Variants in PHYKPL observed in about 807,000 individuals in gnomAD.
The protein encoded by PHYKPL is 5-phosphonooxy-L-lysine phospho-lyase.
In PHYKPL, 42 loss-of-function variants were observed where a neutral mutation model predicts 51.3. The ratio of observed to expected loss-of-function variants is 0.82; its 90% CI spans 0.64 to 1.06. The LOEUF (loss-of-function observed/expected upper bound fraction) is 1.06, where lower values mean the gene tolerates loss of function less well. PHYKPL is among the 50% of genes least tolerant of loss of function. PHYKPL has a pLI of 0.00. For synonymous variants in PHYKPL, 264 were observed against 236.0 expected, an observed-to-expected ratio of 1.12 and a Z score of -1.09; for missense variants, 655 against 586.6, an observed-to-expected ratio of 1.12 and a Z score of -1.20.
In PHYKPL at chr5:178,208,927, A is replaced by AAAAG. The variant is rs1272402751; in HGVS notation, c.*32-16_*32-13dup. 1 of 161,580 alleles carries AAAAG rather than the reference A, an allele frequency of 6.2e-6. No individual in the cohort carries two copies. 10.0% of individuals were successfully genotyped at this position (161,580 alleles called of 1,614,324 possible). A position where few individuals can be genotyped will look rare whatever the true frequency, so the allele number is the denominator to read the frequency against. On this transcript the variant is annotated splice_polypyrimidine_tract_variant and intron_variant, in intron 12 of 12. Coordinates refer to ENST00000308158, the MANE Select transcript of PHYKPL (RefSeq NM_153373.4). ...GAGATGAGTTTCTTCTGTAAAGAGA[A>AAAAG]AAAGATGTTAAAACCTCATTGTCTA...
intron 6 of PHYKPL, among the ~76,000 whole-genome samples, chr5:178,224,117 C>A (rs1243093995): frequency 1.3e-5 from 2 of 152,212 alleles, no homozygotes; most frequent in African/African-American, 4.8e-5. Context: ...CACACATTCA[C>A]ACGGTTCCTC....
intron 11 of PHYKPL, among the ~76,000 whole-genome samples, chr5:178,212,222 C>T (rs1024603224): frequency 2.6e-5 from 4 of 152,202 alleles, no homozygotes; most frequent in African/African-American, 9.6e-5. Context: ...TCTCCACAAA[C>T]ACACTCCTAT....
At chr5:178,214,721 T>C in intron 10 of PHYKPL, 75 bp downstream of exon 10, 2 of 1,377,792 alleles carry the variant, frequency 1.5e-6, no homozygotes, top group Non-Finnish European at 2.1e-6. Context: ...ATGAGGCTCC[T>C]TTCCACTGGC....
chr5:178,210,107 C>A, intron 12 of PHYKPL: 3 of 1,612,496 alleles, frequency 1.9e-6, no homozygotes, highest in Non-Finnish European at 1.7e-6. Context: ...GGTCCACGGG[C>A]CCCTGTGCCC....
chr5:178,213,464 A>G (rs1331699886), intron 10 of PHYKPL, among the ~76,000 whole-genome samples: 13 of 152,136 alleles, frequency 8.5e-5, no homozygotes, highest in African/African-American at 2.9e-4. Flanking sequence ...GTTTCCTTAT[A>G]TAGAGAATGT....
chr5:178,226,827 CA>C (rs1248954174), intron 3 of PHYKPL: 3 of 152,046 alleles, frequency 2.0e-5, no homozygotes, highest in African/African-American at 4.8e-5. Flanking sequence ...AATGTTGTAA[CA>C]AAAGAGTGTA....
rs1318112926 is a variant in PHYKPL, at chr5:178,208,844, C to T, written c.*103G>A. The stretch of plus-strand genomic sequence containing the variant: ...CCCCCCCACCCTGAGCCTCTGAAAG[C>T]TGACTTTATCTGTAAGAGGGAGGTC... On this transcript the variant is annotated 3_prime_UTR_variant, in exon 13 of 13. Transcript: ENST00000308158. 1.3e-5 allele frequency: 2 copies of T among 153,268 alleles called. No homozygotes were observed. The highest frequency in any genetic ancestry group is 4.8e-5 in the African/African-American group (2 of 41,466). The allele number at this position is 153,268 out of a possible 1,614,324, so 9.5% of individuals were successfully genotyped here. A position where few individuals can be genotyped will look rare whatever the true frequency, so the allele number is the denominator to read the frequency against.
chr5:178,231,982 G>A (rs1388921966), intron 1 of PHYKPL: 1 of 1,214,070 alleles, frequency 8.2e-7, no homozygotes, highest in Non-Finnish European at 1.0e-6. Flanking sequence ...CTAAGCTCCA[G>A]TGGGAGGCGA....
At chr5:178,225,527 T>A (rs1762115305) in intron 3 of PHYKPL, 98 bp from the exon 4 acceptor site, 3 of 1,122,584 alleles carry the variant, frequency 2.7e-6, no homozygotes, top group Admixed American at 1.9e-5. Context: ...GCAAGAAGAT[T>A]CTCAGGACAT....
chr5:178,210,395 T>G, intron 12 of PHYKPL: 1 of 1,565,342 alleles, frequency 6.4e-7, no homozygotes, highest in South Asian at 1.1e-5. Flanking sequence ...CCATGGGAGC[T>G]ACTTGATTTT....
intron 3 of PHYKPL, among the ~76,000 whole-genome samples, chr5:178,227,879 T>C (rs1393029030): frequency 6.6e-6 from 1 of 151,978 alleles, no homozygotes; most frequent in African/African-American, 2.4e-5. Context: ...ATCATGGAGA[T>C]GGAGGAGGCA....
rs1177639119 is a variant in PHYKPL at position 178,231,506 on chromosome 5, AAG to A, written c.75_76del (p.Phe27SerfsTer6). 4.3e-6 allele frequency: 7 copies of A among 1,614,048 alleles called. No individual in the cohort carries two copies. Among genetic ancestry groups the A allele is most frequent in the Non-Finnish European group, 5.9e-6 (7 of 1,180,034 alleles). ...AATCTTAACAGGATCCTCGGGAAAA[AAG>A]AGTCTGCAGGAAGAGCTGTGGGGAC... is the stretch of plus-strand genomic sequence containing the variant. On this transcript the variant is annotated frameshift_variant, in exon 2 of 13. Coordinates refer to ENST00000308158, the MANE Select transcript of PHYKPL (RefSeq NM_153373.4). LOFTEE classifies it high-confidence loss of function.
rs755099040 is a variant in PHYKPL at position 178,232,541 on chromosome 5, C to G, written c.10G>C (p.Asp4His). The G allele has an allele frequency of 3.2e-6, 4 of 1,265,206 alleles. No homozygotes were observed. The highest frequency in any genetic ancestry group is 4.0e-6 in the Non-Finnish European group (4 of 1,008,580). 78.4% of individuals were successfully genotyped at this position (1,265,206 alleles called of 1,614,324 possible). A position where few individuals can be genotyped will look rare whatever the true frequency, so the allele number is the denominator to read the frequency against. Residue 4 changes from aspartate (D) to histidine (H), a missense_variant, in exon 1 of 13, where the codon GAC becomes CAC. By Grantham distance (81) the Asp-to-His change is moderately conservative. Transcript: ENST00000308158. MAA[D>H]QRPKADTLAL... ...AGCGTGTCGGCCTTCGGGCGCTGGT[C>G]TGCGGCCATGGTGGGTGGCCGTCAG...
chr5:178,210,006 C>G (rs1757697494), intron 12 of PHYKPL: 1 of 1,335,970 alleles, frequency 7.5e-7, no homozygotes, highest in Admixed American at 2.4e-5. Flanking sequence ...ACCAGAACAG[C>G]AGCCCCTTGG....
chr5:178,220,035 A>C (rs184145929), intron 8 of PHYKPL, among the ~76,000 whole-genome samples: 225 of 151,564 alleles, frequency 1.5e-3, no homozygotes, highest in African/African-American at 5.0e-3. Context: ...CTGTACCAAA[A>C]ATACAAAAAA....
intron 4 of PHYKPL, chr5:178,225,116 CACCTTTG>C (rs907482263): frequency 1.5e-5 from 9 of 583,288 alleles, no homozygotes; most frequent in Admixed American, 1.5e-4. Context: ...GTTGTGGGAC[CACCTTTG>C]AGTCTCTTAC....
intron 12 of PHYKPL, chr5:178,209,206 C>T: frequency 1.2e-6 from 1 of 804,122 alleles, no homozygotes; most frequent in Non-Finnish European, 2.1e-6. Context: ...CCCATACTAG[C>T]ATATTTTGTT....
intron 3 of PHYKPL, 143 bp downstream of exon 3, chr5:178,229,797 G>A (rs2127493189): frequency 9.9e-7 from 1 of 1,015,120 alleles, no homozygotes; most frequent in African/African-American, 1.6e-5. Context: ...AGGGCCTACA[G>A]CCGGGAATCT....
At chr5:178,214,001 G>A (rs894437053) in intron 10 of PHYKPL, among the ~76,000 whole-genome samples, 8 of 152,142 alleles carry the variant, frequency 5.3e-5, no homozygotes, top group African/African-American at 1.9e-4. Flanking sequence ...TGACCATTCC[G>A]AATCCCTGAG....
Sources: allele counts gnomAD v4.1 joint callset (sites outside exome capture counted in the v4.1 genomes callset), GRCh38; gene constraint gnomAD v4.1.1; transcripts MANE v1.5; gene names NCBI Gene and HGNC (gene_info 2026-07-23, HGNC 2026-07-21).